Variants in TIAM2 observed in about 807,000 individuals in gnomAD.
The protein encoded by TIAM2 is rho guanine nucleotide exchange factor TIAM2.
TIAM2 carries 80 observed loss-of-function variants against 152.9 expected under a neutral mutation model. The ratio of observed to expected loss-of-function variants is 0.52; its 90% CI spans 0.44 to 0.63. TIAM2 has a LOEUF of 0.63. Among genes scored for constraint, TIAM2 ranks in the 30% least tolerant of loss-of-function variants. The pLI is 0.00. For synonymous variants in TIAM2, 804 were observed against 838.0 expected, an observed-to-expected ratio of 0.96 and a Z score of 0.70; for missense variants, 1,965 against 2,120.1, an observed-to-expected ratio of 0.93 and a Z score of 1.44.
At chr6:155,227,927 G>A (rs553799368) in intron 15 of TIAM2, among the ~76,000 whole-genome samples, 1 of 152,316 alleles carries the variant, frequency 6.6e-6, no homozygotes, top group East Asian at 1.9e-4. Flanking sequence ...ATTATTTTCT[G>A]AGCATCTTAG....
chr6:155,075,055 G>T (rs374567384), intron 1 of TIAM2, among the ~76,000 whole-genome samples: 3 of 151,996 alleles, frequency 2.0e-5, no homozygotes, highest in African/African-American at 7.2e-5. Context: ...GGGTGGCAGG[G>T]TGTGGTACAG....
At chr6:155,238,994 A>T (rs144734936) in intron 15 of TIAM2, among the ~76,000 whole-genome samples, 1 of 152,314 alleles carries the variant, frequency 6.6e-6, no homozygotes, top group African/African-American at 2.4e-5. Context: ...AGGGCAGTTG[A>T]GAGTGGCCTC....
In TIAM2 at chr6:155,247,989, T is replaced by A; in HGVS notation, c.3653-11T>A. The A allele has an allele frequency of 6.2e-7, 1 of 1,612,566 alleles. No homozygotes were observed. Among genetic ancestry groups the A allele is most frequent in the Non-Finnish European group, 8.5e-7 (1 of 1,179,018 alleles). ...GTGCTCTTCTGAGGTCTTTTATCCA[T>A]CTGCTTGTAGCTAAAACTGACAAAG... On this transcript the variant is annotated splice_polypyrimidine_tract_variant and intron_variant, in intron 19 of 26. Coordinates refer to ENST00000682666, the MANE Select transcript of TIAM2 (RefSeq NM_012454.4).
At chr6:155,079,056 T>G (rs1056049910) in intron 1 of TIAM2, among the ~76,000 whole-genome samples, 1 of 152,066 alleles carries the variant, frequency 6.6e-6, no homozygotes. Flanking sequence ...CAGTTTATCT[T>G]TGTTTTTTTG....
At chr6:155,029,468 ATAC>A (rs1776759918) in intron 1 of TIAM2, among the ~76,000 whole-genome samples, 1 of 50,506 alleles carries the variant, frequency 2.0e-5, no homozygotes, top group South Asian at 4.9e-4. Flanking sequence ...TATATAATAT[ATAC>A]TATAGTATAT....
intron 8 of TIAM2, 54 bp from the exon 9 acceptor site, chr6:155,165,209 C>G (rs1780391955): frequency 6.5e-7 from 1 of 1,531,160 alleles, no homozygotes; most frequent in African/African-American, 1.4e-5. Flanking sequence ...TTCATTTTTT[C>G]TGCCACTCAA....
At chr6:154,999,335 C>T (rs1457675277) in intron 1 of TIAM2, among the ~76,000 whole-genome samples, 3 of 151,932 alleles carry the variant, frequency 2.0e-5, no homozygotes, top group Non-Finnish European at 4.4e-5. Context: ...CTCAGCCTCC[C>T]GAGTAGCTGG....
chr6:155,104,567 C>A (rs1293451749), intron 2 of TIAM2, among the ~76,000 whole-genome samples: 2 of 152,044 alleles, frequency 1.3e-5, no homozygotes, highest in Admixed American at 6.5e-5. Flanking sequence ...ACCATCCTGG[C>A]TAACACAGTG....
rs544504775 is a variant in TIAM2 at position 155,153,987 on chromosome 6, T to C, written c.2028+5653T>C. Among the ~76,000 whole-genome samples the C allele has an allele frequency of 5.8e-4, 88 of 152,322 alleles. 2 individuals carry two copies. Among genetic ancestry groups the C allele is most frequent in the African/African-American group, 2.0e-3 (85 of 41,576 alleles). ...GAAGCATTAAGCAGGAACAAGTACT[T>C]GCTTAAAATTGCTTTTATGAGATAT... On this transcript the variant is annotated intron_variant, in intron 7 of 26. Coordinates refer to ENST00000682666, the MANE Select transcript of TIAM2 (RefSeq NM_012454.4).
At chr6:155,009,917 A>G (rs866659744) in intron 1 of TIAM2, among the ~76,000 whole-genome samples, 2 of 151,668 alleles carry the variant, frequency 1.3e-5, no homozygotes, top group African/African-American at 2.4e-5. Context: ...CAGTGGTGCA[A>G]TCTCGGCTCA....
chr6:155,004,070 T>C (rs1409292303), intron 1 of TIAM2, among the ~76,000 whole-genome samples: 1 of 152,184 alleles, frequency 6.6e-6, no homozygotes, highest in Admixed American at 6.5e-5. Context: ...AGAGATGGGG[T>C]TTTGCCCTGT....
intron 1 of TIAM2, among the ~76,000 whole-genome samples, chr6:154,996,410 G>A (rs1778212549): frequency 2.0e-5 from 3 of 152,176 alleles, no homozygotes; most frequent in African/African-American, 4.8e-5. Context: ...GCCACTTGGT[G>A]ACACTCCTCA....
At chr6:155,097,566 C>G (rs62427486) in intron 2 of TIAM2, among the ~76,000 whole-genome samples, 53 of 152,166 alleles carry the variant, frequency 3.5e-4, no homozygotes, top group Non-Finnish European at 6.5e-4. Flanking sequence ...GCCTCACACA[C>G]CTGGCCTCAA....
chr6:155,001,830 G>C (rs1200988820), intron 1 of TIAM2, among the ~76,000 whole-genome samples: 1 of 152,228 alleles, frequency 6.6e-6, no homozygotes, highest in Non-Finnish European at 1.5e-5. Context: ...GGAACAGTAT[G>C]TAAAACTCGA....
At chr6:155,061,185 GTACACACATT>G (rs1777572150) in intron 1 of TIAM2, among the ~76,000 whole-genome samples, 1 of 152,098 alleles carries the variant, frequency 6.6e-6, no homozygotes, top group South Asian at 2.1e-4. Context: ...TAATCCATGT[GTACACACATT>G]TATATCTGTG....
chr6:155,008,190 CTG>C, intron 1 of TIAM2, among the ~76,000 whole-genome samples: 1 of 152,236 alleles, frequency 6.6e-6, no homozygotes, highest in Non-Finnish European at 1.5e-5. Context: ...ATTTATATTT[CTG>C]TGTGTGATAG....
chr6:155,018,844 G>C (rs574448655), intron 1 of TIAM2, among the ~76,000 whole-genome samples: 3 of 136,720 alleles, frequency 2.2e-5, no homozygotes, highest in African/African-American at 8.3e-5. Flanking sequence ...TTCGACATCA[G>C]CCTGGCCAGC....
chr6:155,152,006 G>A (rs764779707), intron 7 of TIAM2, among the ~76,000 whole-genome samples: 8 of 151,682 alleles, frequency 5.3e-5, no homozygotes, highest in Non-Finnish European at 5.9e-5. Flanking sequence ...CACCACGCCC[G>A]GCTAATTTTG....
chr6:155,154,795 T>A (rs1312804792), intron 7 of TIAM2, among the ~76,000 whole-genome samples: 2 of 152,090 alleles, frequency 1.3e-5, no homozygotes, highest in African/African-American at 4.8e-5. Flanking sequence ...AGGAAGCACT[T>A]GCTGGTAGGG....
Sources: gnomAD v4.1 joint callset for allele counts (sites outside exome capture counted in the v4.1 genomes callset) on GRCh38, gnomAD v4.1.1 for gene constraint, MANE v1.5 for transcripts, NCBI Gene and HGNC (gene_info 2026-07-23, HGNC 2026-07-21) for gene names.